PLEKHA6: variants seen among roughly 807,000 people sequenced by gnomAD.
PLEKHA6 encodes the protein pleckstrin homology domain-containing family A member 6.
Under a neutral mutation model 116.7 loss-of-function variants are expected in PLEKHA6, and 60 were observed. The observed-to-expected ratio is 0.51, with a 90% confidence interval of 0.42 to 0.64. The LOEUF (loss-of-function observed/expected upper bound fraction) is 0.64. Among genes scored for constraint, PLEKHA6 ranks in the 30% least tolerant of loss-of-function variants. The probability of loss-of-function intolerance (pLI) is 0.00; values close to 1 mark genes in which losing one functional copy is unlikely to be tolerated. For synonymous variants in PLEKHA6, 489 were observed against 556.1 expected, an observed-to-expected ratio of 0.88 and a Z score of 1.70; for missense variants, 1,338 against 1,422.7, an observed-to-expected ratio of 0.94 and a Z score of 0.96.
In PLEKHA6 at chr1:204,238,282, C is replaced by T. The variant is rs1427037163; in HGVS notation, c.2409+3093G>A. Among the ~76,000 whole-genome samples, 1 of 152,186 alleles carries T rather than the reference C, an allele frequency of 6.6e-6. No individual in the cohort carries two copies. Among genetic ancestry groups the T allele is most frequent in the African/African-American group, 2.4e-5 (1 of 41,434 alleles). On this transcript the variant is annotated intron_variant, in intron 17 of 22. Transcript: ENST00000272203. The surrounding 1 kb of genome is among the most constrained non-coding windows in gnomAD (Gnocchi z 4.2). ...CCAATGGTGCTTGAGGTGTCAGTGA[C>T]AGATCGGGATGCTGTTTGGAGCCTT...
rs183399578 is a variant in PLEKHA6, at chr1:204,261,120, G to C, written c.524+186C>G. Among the ~76,000 whole-genome samples, 4 of 152,310 alleles carry C rather than the reference G, an allele frequency of 2.6e-5. No individual in the cohort carries two copies. Among genetic ancestry groups the C allele is most frequent in the Admixed American group, 2.6e-4 (4 of 15,308 alleles). ...AGAGAAGAGGAGGAGCTGGCTAGGG[G>C]AAGAGAGACTTCAGGCTCTGAAATC... is the stretch of plus-strand genomic sequence containing the variant. On this transcript the variant is annotated intron_variant, in intron 7 of 22. Transcript: ENST00000272203. This position sits in a 1 kb window ranked among gnomAD's most constrained non-coding sequence, Gnocchi z 4.0.
chr1:204,372,926 T>C (rs991185426), intron 1 of PLEKHA6, among the ~76,000 whole-genome samples: 3 of 152,068 alleles, frequency 2.0e-5, no homozygotes, highest in African/African-American at 7.2e-5. Context: ...TTTTTTTTTT[T>C]TTTGACGGTC....
chr1:204,316,535 G>C (rs1464690700), intron 1 of PLEKHA6, among the ~76,000 whole-genome samples: 1 of 152,186 alleles, frequency 6.6e-6, no homozygotes, highest in African/African-American at 2.4e-5. Context: ...AGCTGGCAGA[G>C]CCTCCGGAGC....
intron 1 of PLEKHA6, among the ~76,000 whole-genome samples, chr1:204,303,931 T>A (rs539361580): frequency 1.3e-5 from 2 of 152,240 alleles, no homozygotes; most frequent in South Asian, 4.2e-4. Context: ...CCCAGGCTTG[T>A]CTTGAACTCC....
intron 9 of PLEKHA6, among the ~76,000 whole-genome samples, 182 bp from the exon 10 acceptor site, chr1:204,250,796 G>A (rs1445342960): frequency 5.3e-5 from 8 of 152,128 alleles, no homozygotes; most frequent in South Asian, 2.1e-4. Context: ...GGGATGGCCC[G>A]GCCTAACCCC....
intron 1 of PLEKHA6, among the ~76,000 whole-genome samples, chr1:204,337,724 G>GGA (rs369478082): frequency 6.6e-6 from 1 of 151,710 alleles, no homozygotes; most frequent in African/African-American, 2.4e-5. Flanking sequence ...CTTGGGGGGG[G>GGA]AATCCAGGGA....
At chr1:204,271,054 C>T (rs4951343) in intron 3 of PLEKHA6, among the ~76,000 whole-genome samples, 72,474 of 152,208 alleles carry the variant, frequency 0.48, 17,446 homozygotes, top group Middle Eastern at 0.6. Flanking sequence ...CAAGCCATGG[C>T]CCGTGGGCCA....
chr1:204,231,186 G>A (rs192748985), intron 17 of PLEKHA6, among the ~76,000 whole-genome samples: 5 of 152,314 alleles, frequency 3.3e-5, no homozygotes, highest in East Asian at 1.9e-4. Flanking sequence ...ATTGGCTAAC[G>A]GGTAGAGGTT....
chr1:204,346,712 T>C (rs1673067377), intron 1 of PLEKHA6: 1 of 754,034 alleles, frequency 1.3e-6, no homozygotes, highest in Non-Finnish European at 2.4e-6. Context: ...CCAGGGATGT[T>C]CCTTGCTGAG....
intron 1 of PLEKHA6, among the ~76,000 whole-genome samples, chr1:204,295,977 C>T (rs904092454): frequency 6.6e-6 from 1 of 152,158 alleles, no homozygotes; most frequent in East Asian, 1.9e-4. Flanking sequence ...GAGGGTAAGG[C>T]ACAGAAGCTA....
chr1:204,285,485 G>GTTTTT (rs370431108), intron 1 of PLEKHA6, among the ~76,000 whole-genome samples: 2 of 148,990 alleles, frequency 1.3e-5, no homozygotes, highest in East Asian at 2.0e-4. Context: ...TTTTGTTTTT[G>GTTTTT]TTTTTTTTGA....
chr1:204,354,973 G>A (rs1180909663), intron 1 of PLEKHA6, among the ~76,000 whole-genome samples: 1 of 152,234 alleles, frequency 6.6e-6, no homozygotes, highest in Non-Finnish European at 1.5e-5. Flanking sequence ...GCCATTCCAG[G>A]GGATTCTCCT....
At chr1:204,270,810 G>T (rs1438996688) in intron 3 of PLEKHA6, among the ~76,000 whole-genome samples, 1 of 152,234 alleles carries the variant, frequency 6.6e-6, no homozygotes, top group Admixed American at 6.5e-5. Flanking sequence ...AGATATGGCA[G>T]GGCCTGTCAC....
rs1014137699 is a variant in PLEKHA6, at chr1:204,327,028, G to A, written c.-95+32666C>T. On this transcript the variant is annotated intron_variant, in intron 1 of 22. Coordinates refer to ENST00000272203, the MANE Select transcript of PLEKHA6 (RefSeq NM_014935.5). ...ATTTGTGGACAAAGCAGCTACTTGG[G>A]TTTCAGCCTCTCCCCAGTCTCTCTC... 5.1e-6 allele frequency: 5 copies of A among 984,900 alleles called. No homozygotes were observed. The African/African-American group carries it at 8.7e-5, about 17-fold the overall frequency. 61.0% of individuals were successfully genotyped at this position (984,900 alleles called of 1,614,324 possible).
chr1:204,257,430 G>A lies in PLEKHA6; in HGVS notation c.1447C>T (p.Arg483Trp), dbSNP rs529169780. The change falls in exon 9 of 23, where the codon CGG becomes TGG. Residue 483 changes from arginine (R) to tryptophan (W), a missense_variant. Physicochemically the swap from Arg to Trp is moderately radical, Grantham distance 101 (BLOSUM62 -3). Around this residue, in one of 3 missense-constraint regions of PLEKHA6, gnomAD observed 1,136 missense variants for 1,163.6 expected, o/e 0.98. Coordinates refer to ENST00000272203, the MANE Select transcript of PLEKHA6 (RefSeq NM_014935.5). The surrounding 1 kb of genome is among the most constrained non-coding windows in gnomAD (Gnocchi z 6.5). The part of the protein sequence containing the change: ...PVRSPSARFE[R>W]LPPRSEDIYA... ...ATGTCCTCACTGCGAGGTGGCAGCC[G>A]CTCAAAACGGGCACTGGGTGAGCGG... The A allele has an allele frequency of 5.1e-5, 80 of 1,565,936 alleles. No individual in the cohort carries two copies. Among genetic ancestry groups the A allele is most frequent in the African/African-American group, 1.4e-4 (10 of 74,002 alleles).
At chr1:204,276,032 A>G (rs569502545) in intron 1 of PLEKHA6, among the ~76,000 whole-genome samples, 3 of 152,324 alleles carry the variant, frequency 2.0e-5, no homozygotes, top group African/African-American at 4.8e-5. Context: ...GTTGTATCAG[A>G]GAAGGAAAAT....
intron 1 of PLEKHA6, among the ~76,000 whole-genome samples, chr1:204,302,104 C>T (rs1416827190): frequency 1.3e-5 from 2 of 152,122 alleles, no homozygotes; most frequent in African/African-American, 4.8e-5. Flanking sequence ...CTTAGAAACG[C>T]CCTACTGTGT....
Position 204,261,509 on chromosome 1 carries a change from C to T in PLEKHA6, c.382-61G>A. The T allele has an allele frequency of 6.5e-7, 1 of 1,527,508 alleles. No individual in the cohort carries two copies. The highest frequency in any genetic ancestry group is 8.8e-7 in the Non-Finnish European group (1 of 1,135,060). The allele number at this position is 1,527,508 out of a possible 1,614,324, so 94.6% of individuals were successfully genotyped here. A position where few individuals can be genotyped will look rare whatever the true frequency, so the allele number is the denominator to read the frequency against. ...CCTCATCCACCCAGCACACAGTCAC[C>T]TGTTGGGAGAAGACACCAACGCCCA... On this transcript the variant is annotated intron_variant, in intron 6 of 22. Transcript: ENST00000272203. The surrounding 1 kb of genome is among the most constrained non-coding windows in gnomAD (Gnocchi z 4.0).
intron 17 of PLEKHA6, among the ~76,000 whole-genome samples, chr1:204,232,670 A>G (rs1182545431): frequency 6.6e-6 from 1 of 152,256 alleles, no homozygotes; most frequent in East Asian, 1.9e-4. Flanking sequence ...ATAGGCTAAT[A>G]GAGCTACTTA....
Sources: gnomAD v4.1 joint callset for allele counts (sites outside exome capture counted in the v4.1 genomes callset) on GRCh38, gnomAD v4.1.1 for gene constraint, gnomAD v4.1.1 regional missense constraint, Gnocchi (gnomAD v3.1) non-coding constraint, MANE v1.5 for transcripts, NCBI Gene and HGNC (gene_info 2026-07-23, HGNC 2026-07-21) for gene names.